CACNA2D3: variants seen among roughly 807,000 people sequenced by gnomAD.
CACNA2D3 encodes voltage-dependent calcium channel subunit alpha-2/delta-3.
In CACNA2D3, 60 loss-of-function variants were observed where a neutral mutation model predicts 160.6. The ratio of observed to expected loss-of-function variants is 0.37; its 90% CI spans 0.30 to 0.46. The LOEUF is 0.46. Ranked by LOEUF, CACNA2D3 falls within the 20% of genes least tolerant of loss-of-function variation. CACNA2D3 has a pLI of 1.00. For missense variants in CACNA2D3, 1,205 were observed against 1,365.0 expected (o/e 0.88, Z 1.85); for synonymous variants, 558 against 492.9 (o/e 1.13, Z -1.75).
intron 3 of CACNA2D3, among the ~76,000 whole-genome samples, chr3:54,383,280 T>C (rs1457088251): frequency 2.0e-5 from 3 of 152,222 alleles, no homozygotes; most frequent in Non-Finnish European, 1.5e-5. Flanking sequence ...TGATGTGCCA[T>C]TTTTCATGAC....
intron 5 of CACNA2D3, among the ~76,000 whole-genome samples, chr3:54,508,019 A>T (rs1023352301): frequency 6.6e-6 from 1 of 152,228 alleles, no homozygotes; most frequent in African/African-American, 2.4e-5. Context: ...AGGTGATGGC[A>T]TTAAAAGGGG....
At chr3:54,301,463 C>CA (rs902024502) in intron 2 of CACNA2D3, among the ~76,000 whole-genome samples, 3 of 150,046 alleles carry the variant, frequency 2.0e-5, no homozygotes, top group Admixed American at 2.0e-4. Context: ...GACCCTGTCT[C>CA]AAAAAAAATA....
At chr3:54,708,893 AT>A (rs561544240) in intron 11 of CACNA2D3, among the ~76,000 whole-genome samples, 17 of 151,184 alleles carry the variant, frequency 1.1e-4, no homozygotes, top group Non-Finnish European at 2.1e-4. Flanking sequence ...TGAAAAGACA[AT>A]TTTTTTTTCT....
At chr3:54,710,668 T>G (rs569973813) in intron 11 of CACNA2D3, among the ~76,000 whole-genome samples, 1 of 152,326 alleles carries the variant, frequency 6.6e-6, no homozygotes, top group East Asian at 1.9e-4. Context: ...GGTGAACAGC[T>G]TGATTTTAAT....
intron 35 of CACNA2D3, among the ~76,000 whole-genome samples, chr3:55,027,995 C>T (rs1403994112): frequency 6.6e-6 from 1 of 152,180 alleles, no homozygotes; most frequent in East Asian, 1.9e-4. Context: ...GGTGTCTAAA[C>T]ATTTTGCTAG....
chr3:54,924,914 T>A, intron 27 of CACNA2D3: 1 of 1,613,376 alleles, frequency 6.2e-7, no homozygotes, highest in African/African-American at 1.3e-5. Context: ...GGGTTAGATT[T>A]AAAACCTGCA....
chr3:54,956,826 C>A lies in CACNA2D3; in HGVS notation c.2450-11624C>A, dbSNP rs76683036. ...AGGTAGCAAATGACTTACCTTGATA[C>A]CTCCAGTTTGCATTTTATCTGACAG... On this transcript the variant is annotated intron_variant, in intron 27 of 37. Transcript: ENST00000474759. Among the ~76,000 whole-genome samples, 545 of 152,016 alleles carry A rather than the reference C, an allele frequency of 3.6e-3. 6 individuals carry two copies. Among genetic ancestry groups the A allele is most frequent in the African/African-American group, 0.013 (519 of 41,484 alleles).
At chr3:54,447,211 T>C (rs1201614920) in intron 4 of CACNA2D3, among the ~76,000 whole-genome samples, 1 of 152,240 alleles carries the variant, frequency 6.6e-6, no homozygotes, top group African/African-American at 2.4e-5. Flanking sequence ...TTAAAAATTA[T>C]CTATTTTAAG....
intron 13 of CACNA2D3, among the ~76,000 whole-genome samples, chr3:54,787,375 T>C (rs1332740786): frequency 6.6e-6 from 1 of 152,222 alleles, no homozygotes; most frequent in Non-Finnish European, 1.5e-5. Flanking sequence ...ATGTATCTTT[T>C]ATTTTCCTTA....
chr3:54,623,328 G>C (rs1462272457), intron 9 of CACNA2D3, among the ~76,000 whole-genome samples: 1 of 152,204 alleles, frequency 6.6e-6, no homozygotes, highest in African/African-American at 2.4e-5. Context: ...AATCCTCATG[G>C]AAAGAGAGAG....
intron 34 of CACNA2D3, among the ~76,000 whole-genome samples, chr3:55,011,665 T>C (rs1004303103): frequency 1.3e-5 from 2 of 152,048 alleles, no homozygotes; most frequent in African/African-American, 4.8e-5. Context: ...GAAGGAGATA[T>C]GGAGCTAATT....
intron 2 of CACNA2D3, among the ~76,000 whole-genome samples, chr3:54,278,958 A>G (rs955540708): frequency 5.3e-5 from 8 of 152,186 alleles, no homozygotes; most frequent in African/African-American, 1.9e-4. Flanking sequence ...TGTTCTGCAC[A>G]TGTATCCCAA....
At chr3:54,922,101 A>C (rs993385715) in intron 27 of CACNA2D3, among the ~76,000 whole-genome samples, 10 of 152,148 alleles carry the variant, frequency 6.6e-5, no homozygotes, top group African/African-American at 2.4e-4. Flanking sequence ...ATCTGTACTC[A>C]TGCAGCTCTG....
chr3:54,688,853 T>C lies in CACNA2D3; in HGVS notation c.1167+46612T>C, dbSNP rs1367354458. Among the ~76,000 whole-genome samples the C allele has an allele frequency of 6.0e-5, 9 of 150,866 alleles. No homozygotes were observed. The Admixed American group carries it at 6.0e-4, about 10-fold the overall frequency. ...GCGTCTCTACTAAAAATACAAAAAT[T>C]AGCTGGACGTCCCAGCTACTCAGGA... On this transcript the variant is annotated intron_variant, in intron 11 of 37. Transcript: ENST00000474759.
At chr3:54,198,685 ATC>A (rs1249859441) in intron 2 of CACNA2D3, among the ~76,000 whole-genome samples, 2 of 152,260 alleles carry the variant, frequency 1.3e-5, no homozygotes, top group African/African-American at 4.8e-5. Flanking sequence ...AAGGTTTCAT[ATC>A]TGTGGATTCT....
intron 2 of CACNA2D3, among the ~76,000 whole-genome samples, chr3:54,217,416 A>G (rs1360832045): frequency 6.6e-6 from 1 of 152,188 alleles, no homozygotes; most frequent in Non-Finnish European, 1.5e-5. Context: ...TGGAGATACC[A>G]AGTCCTAATC....
intron 4 of CACNA2D3, among the ~76,000 whole-genome samples, chr3:54,464,556 G>A (rs986551968): frequency 3.3e-5 from 5 of 152,190 alleles, no homozygotes; most frequent in Non-Finnish European, 5.9e-5. Context: ...GCAAGACTCC[G>A]TGGGCGTAGG....
At chr3:55,021,473 GTTTT>G (rs1034292498) in intron 35 of CACNA2D3, among the ~76,000 whole-genome samples, 1 of 150,122 alleles carries the variant, frequency 6.7e-6, no homozygotes, top group Non-Finnish European at 1.5e-5. Context: ...AGTTTACATT[GTTTT>G]TTTATTTTCT....
At chr3:54,863,221 G>A (rs190943548) in intron 17 of CACNA2D3, among the ~76,000 whole-genome samples, 46 of 152,226 alleles carry the variant, frequency 3.0e-4, no homozygotes, top group African/African-American at 1.0e-3. Flanking sequence ...AACTTTTGTC[G>A]AGGAGACTTT....
Sources: gnomAD v4.1 joint callset for allele counts (sites outside exome capture counted in the v4.1 genomes callset) on GRCh38, gnomAD v4.1.1 for gene constraint, MANE v1.5 for transcripts, NCBI Gene and HGNC (gene_info 2026-07-23, HGNC 2026-07-21) for gene names.